Variants in PIK3C2A observed in about 807,000 individuals in gnomAD.
The protein encoded by PIK3C2A is phosphatidylinositol-4-phosphate 3-kinase catalytic subunit type 2 alpha, also known as phosphatidylinositol 4-phosphate 3-kinase C2 domain-containing subunit alpha.
In PIK3C2A, 97 loss-of-function variants were observed where a neutral mutation model predicts 204.5. The ratio of observed to expected loss-of-function variants is 0.47; its 90% CI spans 0.40 to 0.56. The LOEUF (loss-of-function observed/expected upper bound fraction) is 0.56. Ranked by LOEUF, PIK3C2A falls within the 20% of genes least tolerant of loss-of-function variation. The probability of loss-of-function intolerance (pLI) is 0.00; values close to 1 mark genes in which losing one functional copy is unlikely to be tolerated. For missense variants in PIK3C2A, 1,735 were observed against 1,969.2 expected (o/e 0.88, Z 2.25); for synonymous variants, 653 against 664.4 (o/e 0.98, Z 0.26).
intron 1 of PIK3C2A, among the ~76,000 whole-genome samples, chr11:17,192,742 T>C (rs1295994435): frequency 6.6e-6 from 1 of 152,216 alleles, no homozygotes; most frequent in Admixed American, 6.6e-5. Context: ...CCACCGTGCC[T>C]GGCCACAAAA....
At chr11:17,111,806 G>A (rs1045128944) in intron 21 of PIK3C2A, among the ~76,000 whole-genome samples, 1 of 150,534 alleles carries the variant, frequency 6.6e-6, no homozygotes, top group African/African-American at 2.4e-5. Context: ...GAACTAGGGA[G>A]GTGAAGGTTG....
At chr11:17,179,272 T>C (rs1851450310) in intron 1 of PIK3C2A, among the ~76,000 whole-genome samples, 1 of 151,882 alleles carries the variant, frequency 6.6e-6, no homozygotes, top group Non-Finnish European at 1.5e-5. Flanking sequence ...AGCAATCCTT[T>C]TGCCTTAAAC....
chr11:17,180,521 C>CAACA, intron 1 of PIK3C2A, among the ~76,000 whole-genome samples: 3 of 131,818 alleles, frequency 2.3e-5, no homozygotes, highest in Middle Eastern at 7.2e-3. Context: ...ACAACAACAA[C>CAACA]AAAAAACAAA....
intron 1 of PIK3C2A, among the ~76,000 whole-genome samples, chr11:17,183,307 C>A (rs1022948127): frequency 1.3e-5 from 2 of 152,120 alleles, no homozygotes; most frequent in Non-Finnish European, 1.5e-5. Flanking sequence ...TCTTAAACAA[C>A]TTTTATGAAA....
chr11:17,091,504 G>A (rs1848310153), intron 31 of PIK3C2A, 43 bp downstream of exon 31: 3 of 1,610,620 alleles, frequency 1.9e-6, no homozygotes, highest in Non-Finnish European at 1.7e-6. Flanking sequence ...TCCTACCAAG[G>A]TAAGGGTTTC....
At chr11:17,146,164 T>C (rs892256034) in intron 6 of PIK3C2A, among the ~76,000 whole-genome samples, 4 of 152,182 alleles carry the variant, frequency 2.6e-5, no homozygotes, top group Non-Finnish European at 5.9e-5. Context: ...AAAACATAAA[T>C]GCTTTCAAGC....
At position 17,134,889 on chromosome 11, in the gene PIK3C2A, A is replaced by G. The variant is rs1406454525; in HGVS notation, c.2038T>C (p.Trp680Arg). Residue 680 changes from tryptophan (W) to arginine (R), a missense_variant, in exon 11 of 33, where the codon TGG (tryptophan) becomes CGG (arginine). Trp to Arg is a moderately radical substitution (Grantham distance 101). Coordinates refer to ENST00000691414, the MANE Select transcript of PIK3C2A (RefSeq NM_002645.4). ...AQSSKSVKEA[W>R]TTTEQLQFTI... The stretch of plus-strand genomic sequence containing the variant: ...AACTGGAGCTGCTCTGTTGTAGTCC[A>G]TGCTTCCTTGACACTCTTGCTACTT... 1 of 1,614,184 alleles carries G rather than the reference A, an allele frequency of 6.2e-7. No individual in the cohort carries two copies. Among genetic ancestry groups the G allele is most frequent in the East Asian group, 2.2e-5 (1 of 44,882 alleles).
At chr11:17,200,417 CT>C (rs1852325030) in intron 1 of PIK3C2A, among the ~76,000 whole-genome samples, 1 of 149,550 alleles carries the variant, frequency 6.7e-6, no homozygotes, top group South Asian at 2.2e-4. Flanking sequence ...TATAAACTTT[CT>C]AAAAAAGTTT....
chr11:17,164,404 C>G (rs1315669728), intron 2 of PIK3C2A, among the ~76,000 whole-genome samples: 11 of 151,450 alleles, frequency 7.3e-5, no homozygotes, highest in Admixed American at 3.9e-4. Context: ...GGTGGCCCCT[C>G]TTAGGATATA....
rs1848477643 is a variant in PIK3C2A at position 17,097,128 on chromosome 11, T to C, written c.4255A>G (p.Arg1419Gly). 1 of 1,610,282 alleles carries C rather than the reference T, an allele frequency of 6.2e-7. No individual in the cohort carries two copies. The highest frequency in any genetic ancestry group is 1.3e-5 in the African/African-American group (1 of 74,864). The part of the protein sequence containing the change: ...LSFSPKTYSF[R>G]QDGRIKEVSV... ...ACTTCCTTGATTCGACCATCTTGTC[T>C]AAAGGAGTATGTTTTAGGTGAAAAT... The change falls in exon 27 of 33, where the codon AGA (arginine) becomes GGA (glycine). Residue 1419 changes from arginine to glycine, a missense_variant. Around this residue, in one of 6 missense-constraint regions of PIK3C2A, gnomAD observed 503 missense variants for 669.0 expected, o/e 0.75. Coordinates refer to ENST00000691414, the MANE Select transcript of PIK3C2A (RefSeq NM_002645.4).
chr11:17,192,104 C>T (rs1037004811), intron 1 of PIK3C2A, among the ~76,000 whole-genome samples: 1 of 152,066 alleles, frequency 6.6e-6, no homozygotes, highest in Non-Finnish European at 1.5e-5. Context: ...GAGATCGCAC[C>T]ACTGCACTCC....
intron 3 of PIK3C2A, among the ~76,000 whole-genome samples, chr11:17,152,740 C>T (rs1028578064): frequency 1.3e-5 from 2 of 152,012 alleles, no homozygotes; most frequent in African/African-American, 2.4e-5. Context: ...AATGAAAATC[C>T]TTTATGGTTT....
In PIK3C2A at chr11:17,102,670, G is replaced by A; in HGVS notation, c.3843C>T (p.Ser1281=). The A allele has an allele frequency of 6.2e-7, 1 of 1,607,046 alleles. No homozygotes were observed. Among genetic ancestry groups the A allele is most frequent in the Non-Finnish European group, 8.5e-7 (1 of 1,177,554 alleles). ...KFLGHAQMFG[S]FKRDRAPFVL... ...CAGCAATAACATTATACCTTTTGAA[G>A]CTGCCAAACATCTGTGCATGTCCCA... The change falls in exon 24 of 33, where the codon AGC becomes AGT. Residue 1281 remains serine (S), a synonymous_variant. Coordinates refer to ENST00000691414, the MANE Select transcript of PIK3C2A (RefSeq NM_002645.4).
In PIK3C2A at chr11:17,129,434, T is replaced by C. The variant is rs17847719; in HGVS notation, c.2265A>G (p.Pro755=). 237 of 1,609,230 alleles carry C rather than the reference T, an allele frequency of 1.5e-4. 1 individual carries two copies. The East Asian group carries it at 4.3e-3, about 29-fold the overall frequency. The stretch of plus-strand genomic sequence containing the variant: ...GAGTAAGGTGAAGAACTGATTCTAA[T>C]GGCAATTGTGATATCTGGATAGGAA... ...IIFPIQISQL[P]LESVLHLTLF... is the part of the protein sequence containing the mutation. The change falls in exon 13 of 33, where the codon CCA becomes CCG. Residue 755 remains proline (P), a synonymous_variant. Coordinates refer to ENST00000691414, the MANE Select transcript of PIK3C2A (RefSeq NM_002645.4).
chr11:17,157,686 T>C (rs955324454), intron 2 of PIK3C2A, among the ~76,000 whole-genome samples: 29 of 152,162 alleles, frequency 1.9e-4, no homozygotes, highest in Admixed American at 1.9e-3. Context: ...TTTCTGATTA[T>C]TTCAAAAAGT....
intron 23 of PIK3C2A, among the ~76,000 whole-genome samples, 162 bp from the exon 24 acceptor site, chr11:17,102,993 T>C (rs1008674859): frequency 3.3e-5 from 5 of 152,122 alleles, no homozygotes; most frequent in Non-Finnish European, 7.4e-5. Flanking sequence ...AATCTTTTCA[T>C]ATTTCAAAAA....
intron 2 of PIK3C2A, among the ~76,000 whole-genome samples, chr11:17,159,074 T>C (rs565882642): frequency 1.1e-3 from 160 of 152,304 alleles, no homozygotes; most frequent in African/African-American, 3.7e-3. Context: ...ACCTATTCCC[T>C]TCACCCATAC....
intron 18 of PIK3C2A, among the ~76,000 whole-genome samples, chr11:17,117,982 G>C (rs772516269): frequency 2.8e-4 from 43 of 152,010 alleles, no homozygotes; most frequent in South Asian, 1.0e-3. Flanking sequence ...CAAAGTGCTG[G>C]GATTACAGGC....
At chr11:17,091,857 T>C in intron 30 of PIK3C2A, 139 bp downstream of exon 30, 1 of 704,316 alleles carries the variant, frequency 1.4e-6, no homozygotes, top group South Asian at 1.7e-5. Context: ...TATTCAGAAA[T>C]AGACTGGCTT....
Sources: allele counts gnomAD v4.1 joint callset (sites outside exome capture counted in the v4.1 genomes callset), GRCh38; gene constraint gnomAD v4.1.1; regional missense constraint gnomAD v4.1.1; transcripts MANE v1.5; gene names NCBI Gene and HGNC (gene_info 2026-07-23, HGNC 2026-07-21).